COL27A1: variants seen among roughly 807,000 people sequenced by gnomAD.
The protein encoded by COL27A1 is collagen alpha-1(XXVII) chain.
A neutral mutation model predicts 251.3 loss-of-function variants in COL27A1; 106 were observed. The observed-to-expected ratio is 0.42, with a 90% confidence interval of 0.36 to 0.50. The LOEUF (loss-of-function observed/expected upper bound fraction) is 0.50, where lower values mean the gene tolerates loss of function less well. Among genes scored for constraint, COL27A1 ranks in the 20% least tolerant of loss-of-function variants. COL27A1 has a pLI of 0.00. For missense variants in COL27A1, 2,325 were observed against 2,522.8 expected (o/e 0.92, Z 1.68); for synonymous variants, 1,000 against 986.3 (o/e 1.01, Z -0.26).
chr9:114,163,887 T>G (rs1043749788), intron 2 of COL27A1, among the ~76,000 whole-genome samples: 1 of 152,052 alleles, frequency 6.6e-6, no homozygotes, highest in African/African-American at 2.4e-5. Context: ...TGGAGCTGTG[T>G]GGAGCCAGGT....
intron 41 of COL27A1, among the ~76,000 whole-genome samples, chr9:114,287,970 G>T (rs959477457): frequency 6.6e-6 from 1 of 152,218 alleles, no homozygotes; most frequent in Non-Finnish European, 1.5e-5. Flanking sequence ...CAGTGCCCAT[G>T]CGTGCCAGCT....
At chr9:114,305,171 T>G (rs1828945660) in intron 57 of COL27A1, among the ~76,000 whole-genome samples, 1 of 152,196 alleles carries the variant, frequency 6.6e-6, no homozygotes, top group South Asian at 2.1e-4. Flanking sequence ...TTTGCAGCCT[T>G]GCCTCCTTCA....
chr9:114,163,232 C>CA (rs55916825), intron 2 of COL27A1, among the ~76,000 whole-genome samples: 3 of 149,938 alleles, frequency 2.0e-5, no homozygotes, highest in South Asian at 2.1e-4. Flanking sequence ...GACTCCGTCT[C>CA]AAAAAAAAAA....
chr9:114,263,045 TCTC>T (rs956679427), intron 28 of COL27A1, among the ~76,000 whole-genome samples: 37 of 149,076 alleles, frequency 2.5e-4, no homozygotes, highest in East Asian at 2.4e-3. Flanking sequence ...TTCAAGCAAT[TCTC>T]CTACTTCAGC....
rs775130773 is a variant in COL27A1, at chr9:114,210,994, G to C, written c.2335G>C (p.Val779Leu). 6.2e-7 allele frequency: 1 copy of C among 1,614,186 alleles called. No homozygotes were observed. Among genetic ancestry groups the C allele is most frequent in the Non-Finnish European group, 8.5e-7 (1 of 1,180,000 alleles). The stretch of plus-strand genomic sequence containing the variant: ...CTCTCCCCTGCAGGGCCTGCCTGGC[G>C]TTCCTGGCAAGAGGGGCAAGATGGG... ...GSDGERGLPG[V>L]PGKRGKMGMP... The change falls in exon 12 of 61, where the codon GTT (valine) becomes CTT (leucine). Residue 779 changes from valine to leucine, a missense_variant. By Grantham distance (32) the Val-to-Leu change is conservative. Coordinates refer to ENST00000356083, the MANE Select transcript of COL27A1 (RefSeq NM_032888.4).
chr9:114,307,020 T>C (rs146566694), intron 58 of COL27A1: 9 of 284,176 alleles, frequency 3.2e-5, no homozygotes, highest in African/African-American at 1.6e-4. Flanking sequence ...TGCTCTCTCA[T>C]CTGTGAGCTG....
At position 114,242,698 on chromosome 9, in the gene COL27A1, T is replaced by C. The variant is rs531607481; in HGVS notation, c.2880+467T>C. Among the ~76,000 whole-genome samples, 3 of 152,322 alleles carry C rather than the reference T, an allele frequency of 2.0e-5. No homozygotes were observed. In the East Asian group the frequency reaches 5.8e-4, roughly 29 times the overall value. On this transcript the variant is annotated intron_variant, in intron 22 of 60. Transcript: ENST00000356083. ...TCATGAAATTTCTGGTATCCAGAGC[T>C]TTTTACACTCTTGAAAATGATGGAG...
intron 13 of COL27A1, among the ~76,000 whole-genome samples, chr9:114,220,625 A>G (rs945253640): frequency 7.2e-5 from 11 of 152,186 alleles, no homozygotes; most frequent in Non-Finnish European, 1.5e-5. Context: ...ACCACTTGTC[A>G]GGTGTGTGAG....
rs746746222 is a variant in COL27A1, at chr9:114,168,019, G to A, written c.464G>A (p.Arg155His). Residue 155 changes from arginine (R) to histidine (H), a missense_variant, in exon 3 of 61, where the codon CGC (arginine) becomes CAC (histidine). Arg to His is a conservative substitution (Grantham distance 29). Transcript: ENST00000356083. ...VAFDLDMHDG[R>H]WHHLALELRG... Reference sequence around the variant, plus strand: ...TTCGACCTCGACATGCACGACGGGCGCTGGCACCACCTGGCCCTCGAGCTC... The same window carrying A: ...TTCGACCTCGACATGCACGACGGGCACTGGCACCACCTGGCCCTCGAGCTC... The A allele has an allele frequency of 1.9e-5, 31 of 1,604,520 alleles. No homozygotes were observed. Among genetic ancestry groups the A allele is most frequent in the East Asian group, 6.7e-5 (3 of 44,872 alleles).
At chr9:114,200,186 C>A (rs539024952) in intron 7 of COL27A1, among the ~76,000 whole-genome samples, 1 of 152,214 alleles carries the variant, frequency 6.6e-6, no homozygotes, top group East Asian at 1.9e-4. Context: ...ACCCCCAATT[C>A]CATAGAGTTC....
chr9:114,176,601 A>C (rs1472219790), intron 3 of COL27A1, among the ~76,000 whole-genome samples: 1 of 152,004 alleles, frequency 6.6e-6, no homozygotes, highest in Non-Finnish European at 1.5e-5. Flanking sequence ...TACTGCCCAG[A>C]GACAGCTGGA....
Position 114,253,062 on chromosome 9 carries a change from C to T in COL27A1, c.3141+130C>T. On this transcript the variant is annotated intron_variant, in intron 27 of 60. Transcript: ENST00000356083. ...GATCACTTGAGGCCAGAGTTCAAGA[C>T]CAGCCTGACAAACATACCAAAACCT... 5 of 750,318 alleles carry T rather than the reference C, an allele frequency of 6.7e-6. No homozygotes were observed. In the Admixed American group the frequency reaches 1.2e-4, roughly 18 times the overall value. 46.5% of individuals were successfully genotyped at this position (750,318 alleles called of 1,614,324 possible).
chr9:114,160,777 T>A (rs1848446846), intron 1 of COL27A1, among the ~76,000 whole-genome samples: 1 of 151,852 alleles, frequency 6.6e-6, no homozygotes, highest in South Asian at 2.1e-4. Context: ...TGACCACACA[T>A]GTGAGACCTG....
intron 1 of COL27A1, among the ~76,000 whole-genome samples, chr9:114,158,400 G>A (rs1182538454): frequency 2.6e-5 from 4 of 152,208 alleles, no homozygotes; most frequent in Non-Finnish European, 5.9e-5. Flanking sequence ...GCCCCATTTG[G>A]TGCACTGGCA....
rs747775495 is a variant in COL27A1, at chr9:114,265,111, G to C, written c.3339+1G>C. 1.3e-6 allele frequency: 2 copies of C among 1,496,960 alleles called. No individual in the cohort carries two copies. The highest frequency in any genetic ancestry group is 1.8e-6 in the Non-Finnish European group (2 of 1,106,380). 92.7% of individuals were successfully genotyped at this position (1,496,960 alleles called of 1,614,324 possible). A position where few individuals can be genotyped will look rare whatever the true frequency, so the allele number is the denominator to read the frequency against. On this transcript the variant is annotated splice_donor_variant, in intron 31 of 60. Coordinates refer to ENST00000356083, the MANE Select transcript of COL27A1 (RefSeq NM_032888.4). LOFTEE classifies it high-confidence loss of function. ...CCACTTGGGCTCGAGAGGCTTTCCT[G>C]TAAGTAGCACCAGTTCTTGAAATTC... is the stretch of plus-strand genomic sequence containing the variant.
rs2131600859 is a variant in COL27A1, at chr9:114,284,789, C to T, written c.3987+12C>T. The T allele has an allele frequency of 6.2e-7, 1 of 1,614,072 alleles. No homozygotes were observed. Among genetic ancestry groups the T allele is most frequent in the Non-Finnish European group, 8.5e-7 (1 of 1,179,900 alleles). On this transcript the variant is annotated intron_variant, in intron 41 of 60. Transcript: ENST00000356083. ...CAAAAGGCGAAAAGGTGGGTGTTTG[C>T]TCTGGGGAAAGCAGCTGCACCCTCG... is the stretch of plus-strand genomic sequence containing the variant.
intron 16 of COL27A1, among the ~76,000 whole-genome samples, chr9:114,233,061 A>T (rs1387031061): frequency 6.6e-6 from 1 of 151,976 alleles, no homozygotes; most frequent in East Asian, 1.9e-4. Context: ...ACAGAGCAAG[A>T]CTCCCTCTCA....
intron 12 of COL27A1, among the ~76,000 whole-genome samples, chr9:114,214,557 C>T (rs1246968828): frequency 6.6e-6 from 1 of 152,172 alleles, no homozygotes; most frequent in Non-Finnish European, 1.5e-5. Context: ...ATGGCCTGGC[C>T]CAAACTCTTT....
chr9:114,303,537 G>A (rs1410472887), intron 56 of COL27A1, among the ~76,000 whole-genome samples: 4 of 152,054 alleles, frequency 2.6e-5, no homozygotes, highest in Non-Finnish European at 4.4e-5. Context: ...CCGTGGCCGG[G>A]CTACAGGTGC....
Sources: gnomAD v4.1 joint callset for allele counts (sites outside exome capture counted in the v4.1 genomes callset) on GRCh38, gnomAD v4.1.1 for gene constraint, MANE v1.5 for transcripts, NCBI Gene and HGNC (gene_info 2026-07-23, HGNC 2026-07-21) for gene names.